The following PDZD7 variants were observed in gnomAD, a reference collection of about 807,000 sequenced individuals.
PDZD7 encodes the protein PDZ domain containing 7, also known as PDZ domain-containing protein 7.
In PDZD7, 72 loss-of-function variants were observed where a neutral mutation model predicts 84.7. The observed-to-expected ratio is 0.85, with a 90% CI of 0.70 to 1.03. The LOEUF is 1.03. PDZD7 is among the 50% of genes least tolerant of loss of function. The pLI is 0.00. For synonymous variants in PDZD7, 594 were observed against 580.7 expected (o/e 1.02, Z -0.33); for missense variants, 1,490 against 1,412.9 (o/e 1.05, Z -0.87).
In PDZD7 at chr10:101,021,842, C is replaced by T. The variant is rs149725476; in HGVS notation, c.823G>A (p.Val275Met). Residue 275 changes from valine to methionine, a missense_variant, in exon 6 of 17, where the codon GTG (valine) becomes ATG (methionine). Transcript: ENST00000619208. ...RFDDISHSQAVEVLKGQTHIM... is the reference protein window; with the variant it reads ...RFDDISHSQAMEVLKGQTHIM... ...TGCGTTTGGCCCTTCAGCACCTCCA[C>T]GGCCTGGCTGTGGCTGATGTCGTCA... 15 of 1,614,090 alleles carry T rather than the reference C, an allele frequency of 9.3e-6. No homozygotes were observed. Among genetic ancestry groups the T allele is most frequent in the African/African-American group, 6.7e-5 (5 of 74,926 alleles).
chr10:101,015,295 C>T (rs1451096993), intron 11 of PDZD7, among the ~76,000 whole-genome samples: 1 of 152,184 alleles, frequency 6.6e-6, no homozygotes, highest in Non-Finnish European at 1.5e-5. Context: ...TCCTTCTCTT[C>T]TCAGCTTAAA....
chr10:101,030,235 G>A lies in PDZD7; in HGVS notation c.-16C>T, dbSNP rs781127613. On this transcript the variant is annotated 5_prime_UTR_variant, in exon 2 of 17. Transcript: ENST00000619208. The stretch of plus-strand genomic sequence containing the variant: ...CCTGCGCCATGGCGGCTGGGCTAGG[G>A]CGGCACCCTACAGGTCCAGAAGGAA... 6.3e-7 allele frequency: 1 copy of A among 1,584,060 alleles called. No homozygotes were observed. Among genetic ancestry groups the A allele is most frequent in the Admixed American group, 1.8e-5 (1 of 54,676 alleles).
intron 9 of PDZD7, 107 bp downstream of exon 9, chr10:101,017,992 A>G (rs1852795362): frequency 6.0e-6 from 8 of 1,339,574 alleles, no homozygotes; most frequent in Admixed American, 5.1e-5. Context: ...GGGGTTGAGT[A>G]GGGACTCAGC....
chr10:101,023,890 AT>A (rs1437167751), intron 3 of PDZD7, 37 bp downstream of exon 3: 1 of 1,614,148 alleles, frequency 6.2e-7, no homozygotes, highest in Admixed American at 1.7e-5. Context: ...TTGGAGTCAC[AT>A]CCTAAGCGTG....
Position 101,030,248 on chromosome 10 carries a change from G to A in PDZD7, c.-29C>T. On this transcript the variant is annotated 5_prime_UTR_variant, in exon 2 of 17. Transcript: ENST00000619208. ...GGCTGGGCTAGGGCGGCACCCTACA[G>A]GTCCAGAAGGAATCTGCTAGCTCTG... 1 of 1,556,730 alleles carries A rather than the reference G, an allele frequency of 6.4e-7. No individual in the cohort carries two copies. The highest frequency in any genetic ancestry group is 1.3e-5 in the African/African-American group (1 of 74,342).
rs201285908 is a variant in PDZD7 at position 101,021,896 on chromosome 10, G to C, written c.769C>G (p.Gln257Glu). ...CTGACACCGTTGGCTGCCAGGACCTGGTCCCCCACCTTGATGCCATTCTCC... is the reference window on the plus strand; with the variant it reads ...CTGACACCGTTGGCTGCCAGGACCTCGTCCCCCACCTTGATGCCATTCTCC... ...AEENGIKVGD[Q>E]VLAANGVRFD... is the part of the protein sequence containing the mutation. The change falls in exon 6 of 17, where the codon CAG (glutamine) becomes GAG (glutamate). Residue 257 changes from glutamine to glutamate, a missense_variant. Physicochemically the swap from Gln to Glu is conservative, Grantham distance 29 (BLOSUM62 2). Transcript: ENST00000619208. The C allele has an allele frequency of 3.1e-6, 5 of 1,613,976 alleles. No homozygotes were observed. The highest frequency in any genetic ancestry group is 3.3e-5 in the Admixed American group (2 of 60,002).
intron 11 of PDZD7, among the ~76,000 whole-genome samples, chr10:101,013,846 T>TCTTTC (rs1253001019): frequency 7.1e-6 from 1 of 140,538 alleles, no homozygotes; most frequent in Non-Finnish European, 1.5e-5. Context: ...GGGTTTCTTT[T>TCTTTC]CTTTCTTTTT....
rs1353803450 is a variant in PDZD7 at position 101,015,792 on chromosome 10, G to A, written c.1593C>T (p.Ala531=). Residue 531 remains alanine, a synonymous_variant, in exon 11 of 17, where the codon GCC becomes GCT. Transcript: ENST00000619208. ...RLRRDQERGR[A]LLSARSGSPS... is the part of the protein sequence containing the mutation. ...GACTCCCAGACCTGGCAGACAGCAG[G>A]GCCCGGCCCCTCTCCTGGTCTGCAG... 1.9e-6 allele frequency: 3 copies of A among 1,548,986 alleles called. No individual in the cohort carries two copies. The highest frequency in any genetic ancestry group is 2.0e-5 in the Admixed American group (1 of 50,974).
At chr10:101,029,333 G>C (rs1937911412) in intron 2 of PDZD7, among the ~76,000 whole-genome samples, 1 of 152,034 alleles carries the variant, frequency 6.6e-6, no homozygotes, top group East Asian at 1.9e-4. Context: ...TGAAGAGGGA[G>C]CCTGATTTCT....
At chr10:101,015,866 G>A in intron 10 of PDZD7, 55 bp from the exon 11 acceptor site, 3 of 1,508,382 alleles carry the variant, frequency 2.0e-6, no homozygotes, top group Non-Finnish European at 1.8e-6. Context: ...AGCAGGGCTG[G>A]GCCCCAGAAT....
At chr10:101,018,800 C>T in intron 8 of PDZD7, 22 bp downstream of exon 8, 1 of 1,565,144 alleles carries the variant, frequency 6.4e-7, no homozygotes, top group South Asian at 1.2e-5. Context: ...GAGGGAGCAG[C>T]CGCCACCCAT....
At chr10:101,017,410 A>C in intron 9 of PDZD7, 1 of 423,472 alleles carries the variant, frequency 2.4e-6, no homozygotes, top group East Asian at 3.6e-5. Context: ...TTTTTTCTTT[A>C]GAGACAGGGT....
chr10:101,010,853 A>G lies in PDZD7; in HGVS notation c.2036T>C (p.Val679Ala). The G allele has an allele frequency of 2.0e-6, 3 of 1,534,464 alleles. No individual in the cohort carries two copies. Among genetic ancestry groups the G allele is most frequent in the Non-Finnish European group, 2.6e-6 (3 of 1,146,874 alleles). ...ATCTTCCTCTTCCGGGAAGCCGTTC[A>G]CCGGCAGCAGGTAGAAGCCTCCGCG... ...DSRGGFYLLP[V>A]NGFPEEEDNG... The change falls in exon 15 of 17, where the codon GTG (valine) becomes GCG (alanine). Residue 679 changes from valine (V) to alanine (A), a missense_variant. Val to Ala is a moderately conservative substitution (Grantham distance 64). Coordinates refer to ENST00000619208, the MANE Select transcript of PDZD7 (RefSeq NM_001195263.2).
intron 11 of PDZD7, among the ~76,000 whole-genome samples, chr10:101,012,486 G>A (rs1303997288): frequency 6.6e-6 from 1 of 152,196 alleles, no homozygotes; most frequent in Non-Finnish European, 1.5e-5. Context: ...CAACAGCATC[G>A]ATAACAGCTT....
chr10:101,011,918 T>C lies in PDZD7; in HGVS notation c.1933+7A>G, dbSNP rs1339310574. 3 of 1,549,934 alleles carry C rather than the reference T, an allele frequency of 1.9e-6. No individual in the cohort carries two copies. Among genetic ancestry groups the C allele is most frequent in the South Asian group, 1.2e-5 (1 of 84,032 alleles). ...AGGACCCAGAAGCCCCGCCCCCCAC[T>C]GCTGACCTGCCCTGCTCTTGAGGGC... On this transcript the variant is annotated splice_region_variant and intron_variant, in intron 13 of 16. Coordinates refer to ENST00000619208, the MANE Select transcript of PDZD7 (RefSeq NM_001195263.2).
chr10:101,009,903 G>T (rs973356081), intron 15 of PDZD7, among the ~76,000 whole-genome samples: 1 of 150,874 alleles, frequency 6.6e-6, no homozygotes, highest in African/African-American at 2.4e-5. Context: ...CACCGCGCCC[G>T]GCTGAGACAG....
intron 11 of PDZD7, among the ~76,000 whole-genome samples, chr10:101,014,399 AGAG>A (rs1852515676): frequency 6.6e-6 from 1 of 152,102 alleles, no homozygotes; most frequent in African/African-American, 2.4e-5. Context: ...AGGTTTGGGC[AGAG>A]GAGAAGGGAG....
At position 101,010,486 on chromosome 10, in the gene PDZD7, A is replaced by G. The variant is rs1188506864; in HGVS notation, c.2403T>C (p.Pro801=). The G allele has an allele frequency of 6.5e-7, 1 of 1,534,906 alleles. No homozygotes were observed. Residue 801 remains proline (P), a synonymous_variant, in exon 15 of 17, where the codon CCT becomes CCC. Coordinates refer to ENST00000619208, the MANE Select transcript of PDZD7 (RefSeq NM_001195263.2). The part of the protein sequence containing the change: ...SPGRRSPSPV[P]TPAPSMTNGR... ...CATTGGTCATGCTGGGGGCAGGGGTAGGCACCGGGGATGGGGAGCGTCTAC... is the reference window on the plus strand; with the variant it reads ...CATTGGTCATGCTGGGGGCAGGGGTGGGCACCGGGGATGGGGAGCGTCTAC...
chr10:101,024,416 A>G (rs760727315), intron 2 of PDZD7, among the ~76,000 whole-genome samples: 2 of 151,646 alleles, frequency 1.3e-5, no homozygotes, highest in Non-Finnish European at 2.9e-5. Context: ...GATTAATTTT[A>G]AATTTTTTGT....
Sources: allele counts gnomAD v4.1 joint callset (sites outside exome capture counted in the v4.1 genomes callset), GRCh38; gene constraint gnomAD v4.1.1; transcripts MANE v1.5; gene names NCBI Gene and HGNC (gene_info 2026-07-23, HGNC 2026-07-21).